Variants in GABRR3 observed in about 807,000 individuals in gnomAD.
GABRR3 encodes the protein gamma-aminobutyric acid receptor subunit rho-3.
Under a neutral mutation model 43.2 loss-of-function variants are expected in GABRR3, and 29 were observed. That is an observed-to-expected ratio of 0.67 (90% CI 0.50 to 0.92). The LOEUF (loss-of-function observed/expected upper bound fraction) is 0.92. Ranked by LOEUF, GABRR3 falls within the 40% of genes least tolerant of loss-of-function variation. The pLI, the probability that GABRR3 is intolerant of heterozygous loss-of-function variation, is 0.00. For missense variants in GABRR3, 576 were observed against 572.3 expected (o/e 1.01, Z -0.07); for synonymous variants, 206 against 195.9 (o/e 1.05, Z -0.43).
At chr3:98,022,391 C>G (rs1255216218) in intron 3 of GABRR3, among the ~76,000 whole-genome samples, 42 of 152,072 alleles carry the variant, frequency 2.8e-4, no homozygotes, top group Non-Finnish European at 4.4e-5. Context: ...AATGTTAAAG[C>G]TAATTAGGAA....
intron 2 of GABRR3, among the ~76,000 whole-genome samples, chr3:98,032,175 C>T (rs1707094690): frequency 6.6e-6 from 1 of 151,974 alleles, no homozygotes; most frequent in African/African-American, 2.4e-5. Context: ...CCTAAATAAC[C>T]TCAAGAGCAA....
At chr3:97,999,059 A>G (rs866576328) in intron 8 of GABRR3, 1 of 152,142 alleles carries the variant, frequency 6.6e-6, no homozygotes, top group African/African-American at 2.4e-5. Context: ...GAGGTTTCAG[A>G]TATGAAAGGC....
At chr3:98,007,436 A>G (rs185324808) in intron 7 of GABRR3, among the ~76,000 whole-genome samples, 2 of 152,164 alleles carry the variant, frequency 1.3e-5, no homozygotes, top group Non-Finnish European at 1.5e-5. Flanking sequence ...AGAAACTTCA[A>G]TTTGTTGTAA....
exon 7 of GABRR3, chr3:98,007,831 C>T: frequency 6.2e-7 from 1 of 1,612,402 alleles, no homozygotes; most frequent in Non-Finnish European, 8.5e-7. Flanking sequence ...GAGAAAGGGA[C>T]ATATGTTCTT....
intron 7 of GABRR3, among the ~76,000 whole-genome samples, chr3:98,005,165 T>G (rs540195839): frequency 8.8e-4 from 134 of 151,894 alleles, no homozygotes; most frequent in Middle Eastern, 3.4e-3. Context: ...GTGTTTTTTG[T>G]ACCTACTTCT....
intron 8 of GABRR3, among the ~76,000 whole-genome samples, chr3:97,995,227 T>A (rs1706520468): frequency 1.3e-5 from 2 of 152,158 alleles, no homozygotes; most frequent in African/African-American, 4.8e-5. Flanking sequence ...TCTGCCCCCC[T>A]TGGCCTCCCA....
intron 5 of GABRR3, among the ~76,000 whole-genome samples, chr3:98,009,364 A>G (rs978772086): frequency 6.6e-6 from 1 of 152,208 alleles, no homozygotes; most frequent in Admixed American, 6.5e-5. Flanking sequence ...ACTTTTAAAT[A>G]GATTTAAATA....
At chr3:98,007,846 A>G in exon 7 of GABRR3, 1 of 1,611,014 alleles carries the variant, frequency 6.2e-7, no homozygotes, top group Non-Finnish European at 8.5e-7. Context: ...GTTCTTCAGT[A>G]TTTAAGGACT....
chr3:98,016,144 A>G (rs1485802567), intron 4 of GABRR3, among the ~76,000 whole-genome samples: 1 of 151,530 alleles, frequency 6.6e-6, no homozygotes. Context: ...TGATCAAATC[A>G]CCTCCCACAA....
At chr3:97,999,823 G>A (rs541227674) in intron 8 of GABRR3, 2 of 152,170 alleles carry the variant, frequency 1.3e-5, no homozygotes, top group East Asian at 3.9e-4. Context: ...GGAAGATGAG[G>A]CTGGAACTCT....
intron 5 of GABRR3, among the ~76,000 whole-genome samples, chr3:98,011,312 C>A (rs1281930852): frequency 1.3e-5 from 2 of 152,166 alleles, no homozygotes; most frequent in Non-Finnish European, 2.9e-5. Context: ...GAAATTTATT[C>A]TCTCACAGAT....
chr3:98,002,154 G>GA (rs1021505922), intron 7 of GABRR3, among the ~76,000 whole-genome samples: 1 of 151,856 alleles, frequency 6.6e-6, no homozygotes, highest in Non-Finnish European at 1.5e-5. Context: ...TATAACAAAT[G>GA]AAAAAAACAT....
chr3:98,034,415 T>C (rs1158055333), intron 2 of GABRR3, among the ~76,000 whole-genome samples: 1 of 152,166 alleles, frequency 6.6e-6, no homozygotes, highest in Non-Finnish European at 1.5e-5. Flanking sequence ...GACAAATGGC[T>C]TTAATGCCTT....
At chr3:97,987,596 G>A (rs1423028280) in intron 9 of GABRR3, among the ~76,000 whole-genome samples, 1 of 152,122 alleles carries the variant, frequency 6.6e-6, no homozygotes, top group African/African-American at 2.4e-5. Context: ...AATTCAAATT[G>A]GAGGCTGCAG....
intron 8 of GABRR3, among the ~76,000 whole-genome samples, chr3:97,993,982 G>C (rs1037736577): frequency 6.6e-6 from 1 of 152,208 alleles, no homozygotes; most frequent in African/African-American, 2.4e-5. Context: ...ATTTCTCAGA[G>C]GGATATTGCC....
intron 7 of GABRR3, among the ~76,000 whole-genome samples, chr3:98,003,807 C>G (rs1706687607): frequency 6.6e-6 from 1 of 152,146 alleles, no homozygotes; most frequent in Admixed American, 6.6e-5. Context: ...AAAACCCAAG[C>G]CAGTAGCCCC....
In GABRR3 at chr3:98,025,454, T is replaced by A. The variant is rs1706998587; in HGVS notation, c.238+113A>T. The A allele has an allele frequency of 7.9e-6, 5 of 633,146 alleles. No individual in the cohort carries two copies. The Admixed American group carries it at 1.0e-4, about 13-fold the overall frequency. 39.2% of individuals were successfully genotyped at this position (633,146 alleles called of 1,614,324 possible). On this transcript the variant is annotated intron_variant, in intron 3 of 9. Transcript: ENST00000621172. The stretch of plus-strand genomic sequence containing the variant: ...AGAAGGTGATTGTAAAAGCCTTCTT[T>A]TTTTGTTTTAAACTGATGGACTTTA...
At chr3:98,032,039 T>A in intron 2 of GABRR3, among the ~76,000 whole-genome samples, 1 of 151,900 alleles carries the variant, frequency 6.6e-6, no homozygotes, top group Non-Finnish European at 1.5e-5. Flanking sequence ...ACCAACAACA[T>A]GCATGGCAGA....
In GABRR3 at chr3:97,993,058, G is replaced by C. The variant is rs763352470; in HGVS notation, c.908-10C>G. ...AGCACTGTGGTGATTCCTGCCATTT[G>C]AGAATAGTGGCAAGCTCAGTGATAT... On this transcript the variant is annotated splice_polypyrimidine_tract_variant and intron_variant, in intron 8 of 9. Transcript: ENST00000621172. The C allele has an allele frequency of 1.3e-6, 2 of 1,578,824 alleles. No homozygotes were observed. Among genetic ancestry groups the C allele is most frequent in the Non-Finnish European group, 1.7e-6 (2 of 1,160,288 alleles).
Sources: gnomAD v4.1 joint callset for allele counts (sites outside exome capture counted in the v4.1 genomes callset) on GRCh38, gnomAD v4.1.1 for gene constraint, MANE v1.5 for transcripts, NCBI Gene and HGNC (gene_info 2026-07-23, HGNC 2026-07-21) for gene names.